Variants in SPATA16 observed in about 807,000 individuals in gnomAD.
SPATA16 encodes the protein spermatogenesis associated 16.
SPATA16 carries 36 observed loss-of-function variants against 63.3 expected under a neutral mutation model. The observed-to-expected ratio is 0.57, with a 90% CI of 0.44 to 0.75. The LOEUF is 0.75. SPATA16 is among the 30% of genes least tolerant of loss of function. SPATA16 has a pLI of 0.00. For synonymous variants in SPATA16, 203 were observed against 216.7 expected (o/e 0.94, Z 0.56); for missense variants, 646 against 679.3 (o/e 0.95, Z 0.54).
chr3:172,913,670 C>A lies in SPATA16; in HGVS notation c.1578G>T (p.Met526Ile). Reference sequence around the variant, plus strand: ...CAGCTCAAAGTTTTACCTTTTGGATCATATTCCACACACGTTCATTATTGT... The same window carrying A: ...CAGCTCAAAGTTTTACCTTTTGGATAATATTCCACACACGTTCATTATTGT... ...RRNNNERVWN[M>I]IQKVGQIEDF... The change falls in exon 10 of 11, where the codon ATG becomes ATT. Residue 526 changes from methionine (M) to isoleucine (I), a missense_variant. Met to Ile is a conservative substitution (Grantham distance 10). Coordinates refer to ENST00000351008, the MANE Select transcript of SPATA16 (RefSeq NM_031955.6). 1 of 1,613,564 alleles carries A rather than the reference C, an allele frequency of 6.2e-7. No individual in the cohort carries two copies. The highest frequency in any genetic ancestry group is 8.5e-7 in the Non-Finnish European group (1 of 1,179,646).
Position 173,048,937 on chromosome 3 carries a change from A to G in SPATA16, c.758+12T>C, listed in dbSNP as rs1395043545. ...ACAGCATTTACTTGCACTTATTAGTATATGATTTTACCTGTGTGCATGATT... is the reference window on the plus strand; with the variant it reads ...ACAGCATTTACTTGCACTTATTAGTGTATGATTTTACCTGTGTGCATGATT... On this transcript the variant is annotated intron_variant, in intron 3 of 10. Transcript: ENST00000351008. 42 of 1,613,442 alleles carry G rather than the reference A, an allele frequency of 2.6e-5. No homozygotes were observed. The highest frequency in any genetic ancestry group is 3.4e-5 in the Non-Finnish European group (40 of 1,179,542).
intron 2 of SPATA16, among the ~76,000 whole-genome samples, chr3:173,100,519 A>G (rs557418135): frequency 6.6e-6 from 1 of 152,260 alleles, no homozygotes; most frequent in Non-Finnish European, 1.5e-5. Flanking sequence ...TTCACTTTTC[A>G]TCGTTCTGCT....
chr3:172,981,760 T>C (rs975961033), intron 4 of SPATA16, among the ~76,000 whole-genome samples: 2 of 152,246 alleles, frequency 1.3e-5, no homozygotes, highest in African/African-American at 4.8e-5. Flanking sequence ...GTGGTGTTTA[T>C]TGCTGTCTTC....
At chr3:172,961,719 A>T (rs1014231468) in intron 5 of SPATA16, among the ~76,000 whole-genome samples, 8 of 152,156 alleles carry the variant, frequency 5.3e-5, no homozygotes, top group African/African-American at 1.9e-4. Context: ...AAATGACTTT[A>T]AAAAATTCTA....
chr3:173,103,698 C>T (rs1002861509), intron 2 of SPATA16, among the ~76,000 whole-genome samples: 1 of 152,210 alleles, frequency 6.6e-6, no homozygotes, highest in African/African-American at 2.4e-5. Flanking sequence ...ATAGGAGGGG[C>T]TGCTACAAAG....
intron 1 of SPATA16, among the ~76,000 whole-genome samples, chr3:173,124,238 A>G (rs1223830934): frequency 1.3e-5 from 2 of 152,204 alleles, no homozygotes; most frequent in Non-Finnish European, 2.9e-5. Context: ...GAAAGGTTTG[A>G]ATTCTCTTTT....
At chr3:172,960,991 TTTTTCTTTC>T in intron 5 of SPATA16, among the ~76,000 whole-genome samples, 1 of 150,054 alleles carries the variant, frequency 6.7e-6, no homozygotes, top group Non-Finnish European at 1.5e-5. Context: ...TTCTCTTTCT[TTTTTCTTTC>T]TCTTTCTTTC....
intron 1 of SPATA16, among the ~76,000 whole-genome samples, chr3:173,125,168 G>T (rs1738194829): frequency 6.6e-6 from 1 of 152,100 alleles, no homozygotes; most frequent in Admixed American, 6.6e-5. Flanking sequence ...CCCCCAGTTG[G>T]CCAAGATAGA....
chr3:172,945,505 G>T (rs1170977187), intron 6 of SPATA16, among the ~76,000 whole-genome samples: 1 of 152,162 alleles, frequency 6.6e-6, no homozygotes, highest in South Asian at 2.1e-4. Flanking sequence ...AAGAGGGAAG[G>T]GAAGATAGTC....
intron 2 of SPATA16, among the ~76,000 whole-genome samples, chr3:173,087,383 T>G (rs1424937465): frequency 6.6e-6 from 1 of 152,162 alleles, no homozygotes; most frequent in Admixed American, 6.6e-5. Flanking sequence ...CTTGGTAAAG[T>G]TTCCTCCATC....
chr3:173,084,487 T>C (rs1286025498), intron 2 of SPATA16, among the ~76,000 whole-genome samples: 1 of 152,240 alleles, frequency 6.6e-6, no homozygotes, highest in Non-Finnish European at 1.5e-5. Context: ...GCCCTGATGA[T>C]AGTTTCTTTT....
Position 172,913,892 on chromosome 3 carries a change from T to C in SPATA16, c.1504-148A>G, listed in dbSNP as rs1052155149. The C allele has an allele frequency of 4.2e-6, 3 of 712,484 alleles. No individual in the cohort carries two copies. The Admixed American group carries it at 7.0e-5, about 17-fold the overall frequency. The allele number at this position is 712,484 out of a possible 1,614,324, so 44.1% of individuals were successfully genotyped here. On this transcript the variant is annotated intron_variant, in intron 9 of 10. Coordinates refer to ENST00000351008, the MANE Select transcript of SPATA16 (RefSeq NM_031955.6). Reference sequence around the variant, plus strand: ...CTACAATGAATATTGCCACCTCATCTTTGCTTGTCATTGCCGAATATTATT... The same window carrying C: ...CTACAATGAATATTGCCACCTCATCCTTGCTTGTCATTGCCGAATATTATT...
rs369754147 is a variant in SPATA16 at position 172,907,424 on chromosome 3, A to G, written c.1587+6237T>C. Among the ~76,000 whole-genome samples the G allele has an allele frequency of 6.0e-4, 91 of 152,218 alleles. 1 individual carries two copies. Among genetic ancestry groups the G allele is most frequent in the African/African-American group, 2.1e-3 (89 of 41,526 alleles). On this transcript the variant is annotated intron_variant, in intron 10 of 10. Transcript: ENST00000351008. Reference sequence around the variant, plus strand: ...CTTCTATTCTTGCCTTCTTCAATCTATTTCCAACTTAACAGCTTAGAGTGC... The same window carrying G: ...CTTCTATTCTTGCCTTCTTCAATCTGTTTCCAACTTAACAGCTTAGAGTGC...
chr3:172,991,538 GA>G (rs1734577568), intron 4 of SPATA16, among the ~76,000 whole-genome samples: 1 of 152,178 alleles, frequency 6.6e-6, no homozygotes. Flanking sequence ...GCAGCCAGCT[GA>G]ACTGCTGGAT....
chr3:172,941,582 C>G (rs1733148234), intron 6 of SPATA16, among the ~76,000 whole-genome samples: 1 of 152,108 alleles, frequency 6.6e-6, no homozygotes, highest in Non-Finnish European at 1.5e-5. Context: ...ACCTGTTGAA[C>G]TGTTATCTAA....
Position 172,889,679 on chromosome 3 carries a change from T to G in SPATA16, c.1601A>C (p.Glu534Ala). 6.2e-7 allele frequency: 1 copy of G among 1,613,358 alleles called. No homozygotes were observed. The highest frequency in any genetic ancestry group is 8.5e-7 in the Non-Finnish European group (1 of 1,179,806). The change falls in exon 11 of 11, where the codon GAA (glutamate) becomes GCA (alanine). Residue 534 changes from glutamate (E) to alanine (A), a missense_variant. By Grantham distance (107) the Glu-to-Ala change is moderately radical. Transcript: ENST00000351008. ...WNMIQKVGQI[E>A]DFLYQLEDSF... ...GTCCTCTAATTGGTATAGAAAATCTTCAATTTGTCCAACCTAGAAGAAATA... is the reference window on the plus strand; with the variant it reads ...GTCCTCTAATTGGTATAGAAAATCTGCAATTTGTCCAACCTAGAAGAAATA...
At chr3:172,923,440 C>T (rs1356557846) in intron 8 of SPATA16, among the ~76,000 whole-genome samples, 1 of 152,102 alleles carries the variant, frequency 6.6e-6, no homozygotes, top group African/African-American at 2.4e-5. Flanking sequence ...CCTCTTAGCT[C>T]CCCTTTTAAG....
At chr3:173,088,064 TTCTTTCTTTCTTTCTG>T (rs1256068187) in intron 2 of SPATA16, among the ~76,000 whole-genome samples, 5 of 136,236 alleles carry the variant, frequency 3.7e-5, no homozygotes, top group African/African-American at 1.4e-4. Context: ...CTTTCTTTCT[TTCTTTCTTTCTTTCTG>T]TCTTTTCTTT....
intron 10 of SPATA16, among the ~76,000 whole-genome samples, chr3:172,911,891 C>A (rs916119698): frequency 2.0e-5 from 3 of 152,190 alleles, no homozygotes; most frequent in African/African-American, 7.2e-5. Flanking sequence ...GATGATGATC[C>A]CTACTTTATA....
Sources: allele counts gnomAD v4.1 joint callset (sites outside exome capture counted in the v4.1 genomes callset), GRCh38; gene constraint gnomAD v4.1.1; transcripts MANE v1.5; gene names NCBI Gene and HGNC (gene_info 2026-07-23, HGNC 2026-07-21).